RPS6KC1: variants seen among roughly 807,000 people sequenced by gnomAD.
RPS6KC1 encodes the protein inactive ribosomal protein S6 kinase delta-1.
Under a neutral mutation model 103.8 loss-of-function variants are expected in RPS6KC1, and 54 were observed. That is an observed-to-expected ratio of 0.52 (90% CI 0.42 to 0.65). The LOEUF is 0.65. Among genes scored for constraint, RPS6KC1 ranks in the 30% least tolerant of loss-of-function variants. RPS6KC1 has a pLI of 0.00. For synonymous variants in RPS6KC1, 439 were observed against 438.7 expected (o/e 1.00, Z -0.01); for missense variants, 1,151 against 1,253.8 (o/e 0.92, Z 1.24).
chr1:213,613,858 A>AT, the RPS6KC1 span, among the ~76,000 whole-genome samples: 1 of 152,246 alleles, frequency 6.6e-6, no homozygotes, highest in Non-Finnish European at 1.5e-5. Flanking sequence ...AGGCTAGTGC[A>AT]TCTGGTTCGC....
In RPS6KC1 at chr1:213,262,824, A is replaced by G. The variant is rs769237266; in HGVS notation, c.3090+8A>G. The G allele has an allele frequency of 5.8e-6, 9 of 1,542,780 alleles. No individual in the cohort carries two copies. The East Asian group carries it at 2.0e-4, about 35-fold the overall frequency. ...CGCTCACTCATTCAACAGGTAATTT[A>G]ACTGACCTATTGGCCAGGTTTATCA... is the stretch of plus-strand genomic sequence containing the variant. On this transcript the variant is annotated splice_region_variant and intron_variant, in intron 14 of 14. Coordinates refer to ENST00000366960, the MANE Select transcript of RPS6KC1 (RefSeq NM_012424.6).
the RPS6KC1 span, among the ~76,000 whole-genome samples, chr1:213,374,734 G>C: frequency 6.6e-6 from 1 of 152,158 alleles, no homozygotes; most frequent in African/African-American, 2.4e-5. Flanking sequence ...TTCGGATAAT[G>C]AATCACTAGA....
At chr1:213,159,042 G>C (rs1420028603) in intron 6 of RPS6KC1, among the ~76,000 whole-genome samples, 2 of 152,066 alleles carry the variant, frequency 1.3e-5, no homozygotes, top group African/African-American at 4.8e-5. Flanking sequence ...ATGCAAAACA[G>C]TATGTTTTGC....
chr1:213,785,015 G>A, the RPS6KC1 span, among the ~76,000 whole-genome samples: 6 of 152,254 alleles, frequency 3.9e-5, no homozygotes, highest in South Asian at 2.1e-4. Flanking sequence ...TCATTTAGAA[G>A]TTATCAAGTG....
chr1:213,549,606 CTTTTCCTT>C, the RPS6KC1 span, among the ~76,000 whole-genome samples: 15 of 110,136 alleles, frequency 1.4e-4, no homozygotes, highest in East Asian at 4.1e-3. Context: ...TCTTCTTTTT[CTTTTCCTT>C]TTTTTTTTTT....
intron 6 of RPS6KC1, among the ~76,000 whole-genome samples, chr1:213,135,906 A>G (rs907782540): frequency 2.0e-5 from 3 of 152,218 alleles, no homozygotes; most frequent in Admixed American, 6.5e-5. Context: ...AAATTATCCT[A>G]TACTCAGGTA....
rs372507727 is a variant in RPS6KC1 at position 213,272,023 on chromosome 1, A to G, written c.3091-501A>G. Among the ~76,000 whole-genome samples the G allele has an allele frequency of 5.8e-4, 88 of 152,294 alleles. 2 individuals are homozygous for G. The highest frequency in any genetic ancestry group is 1.2e-3 in the South Asian group (6 of 4,824). ...ATATTAAATTATTTCATTTGTGTCA[A>G]CTATGCCAAAGACTAGTGATTTTGG... is the stretch of plus-strand genomic sequence containing the variant. On this transcript the variant is annotated intron_variant, in intron 14 of 14. Coordinates refer to ENST00000366960, the MANE Select transcript of RPS6KC1 (RefSeq NM_012424.6).
the RPS6KC1 span, among the ~76,000 whole-genome samples, chr1:213,855,234 G>A: frequency 6.6e-6 from 1 of 152,182 alleles, no homozygotes; most frequent in African/African-American, 2.4e-5. Context: ...AAAGTCAAAT[G>A]GACACAAATA....
At chr1:213,363,625 GCTTTCTTT>G in the RPS6KC1 span, among the ~76,000 whole-genome samples, 4,477 of 72,368 alleles carry the variant, frequency 0.062, 185 homozygotes, top group Middle Eastern at 0.091. Context: ...TTGCTTGCTT[GCTTTCTTT>G]CTTTCTTTCT....
chr1:213,675,128 C>CTT, the RPS6KC1 span, among the ~76,000 whole-genome samples: 1 of 152,214 alleles, frequency 6.6e-6, no homozygotes, highest in Non-Finnish European at 1.5e-5. Flanking sequence ...TTTGGCTGAG[C>CTT]AGAAGCTCTT....
the RPS6KC1 span, among the ~76,000 whole-genome samples, chr1:213,654,865 T>C: frequency 5.5e-3 from 841 of 152,260 alleles, 11 homozygotes; most frequent in African/African-American, 0.019. Context: ...CATTGTAACA[T>C]TGATGTTCAC....
chr1:213,352,890 A>C, the RPS6KC1 span, among the ~76,000 whole-genome samples: 1 of 152,220 alleles, frequency 6.6e-6, no homozygotes, highest in African/African-American at 2.4e-5. Context: ...TGTGGAAGAT[A>C]TGTACTGTTA....
the RPS6KC1 span, among the ~76,000 whole-genome samples, chr1:213,642,567 G>A: frequency 2.0e-5 from 3 of 151,942 alleles, no homozygotes; most frequent in African/African-American, 7.2e-5. Context: ...ATCGTAGGAG[G>A]TTTTTAATCC....
intron 3 of RPS6KC1, among the ~76,000 whole-genome samples, chr1:213,085,379 G>A (rs1239062099): frequency 2.6e-5 from 4 of 152,160 alleles, no homozygotes; most frequent in African/African-American, 9.7e-5. Context: ...TATCTGCAAA[G>A]ACTCTCTAAA....
the RPS6KC1 span, among the ~76,000 whole-genome samples, chr1:213,562,730 G>A: frequency 6.6e-6 from 1 of 151,968 alleles, no homozygotes; most frequent in Non-Finnish European, 1.5e-5. Context: ...GTGGTGTAAT[G>A]AGAGCTCATT....
At chr1:213,097,792 C>T (rs1261709111) in intron 3 of RPS6KC1, among the ~76,000 whole-genome samples, 1 of 152,220 alleles carries the variant, frequency 6.6e-6, no homozygotes, top group East Asian at 1.9e-4. Flanking sequence ...TGCTGCTTCA[C>T]CTTGCACTTT....
chr1:213,208,287 CCT>C (rs2148648851), intron 8 of RPS6KC1, among the ~76,000 whole-genome samples: 1 of 152,298 alleles, frequency 6.6e-6, no homozygotes, highest in South Asian at 2.1e-4. Flanking sequence ...ACCTAGCTCT[CCT>C]CTTTATACTT....
At chr1:213,421,477 G>C in the RPS6KC1 span, among the ~76,000 whole-genome samples, 2 of 152,206 alleles carry the variant, frequency 1.3e-5, no homozygotes, top group Non-Finnish European at 2.9e-5. Flanking sequence ...CATTAGGTAT[G>C]TCTTTTTCGG....
At chr1:213,254,126 T>A (rs769620587) in intron 12 of RPS6KC1, among the ~76,000 whole-genome samples, 2 of 151,754 alleles carry the variant, frequency 1.3e-5, no homozygotes, top group Non-Finnish European at 2.9e-5. Flanking sequence ...TTGATATCTT[T>A]GTTTTATTTA....
Sources: gnomAD v4.1 joint callset for allele counts (sites outside exome capture counted in the v4.1 genomes callset) on GRCh38, gnomAD v4.1.1 for gene constraint, MANE v1.5 for transcripts, NCBI Gene and HGNC (gene_info 2026-07-23, HGNC 2026-07-21) for gene names.